The following TLE4 variants were observed in gnomAD, a reference collection of about 807,000 sequenced individuals.
TLE4 encodes transducin-like enhancer protein 4.
TLE4 carries 8 observed loss-of-function variants against 92.8 expected under a neutral mutation model. The ratio of observed to expected loss-of-function variants is 0.09; its 90% CI spans 0.05 to 0.16. The LOEUF (loss-of-function observed/expected upper bound fraction) is 0.16, where lower values mean the gene tolerates loss of function less well. TLE4 is among the 10% of genes least tolerant of loss of function. TLE4 has a pLI of 1.00. For missense variants in TLE4, 675 were observed against 997.6 expected (o/e 0.68, Z 4.36); for synonymous variants, 371 against 374.1 (o/e 0.99, Z 0.10).
chr9:79,721,589 T>A (rs1166335916), intron 16 of TLE4, 152 bp from the exon 17 acceptor site: 12 of 1,229,482 alleles, frequency 9.8e-6, no homozygotes, highest in Non-Finnish European at 1.3e-5. Context: ...GTATATGCTT[T>A]GTTATTACTT....
intron 5 of TLE4, among the ~76,000 whole-genome samples, chr9:79,617,365 CTT>C (rs1378362804): frequency 1.3e-5 from 2 of 151,938 alleles, no homozygotes; most frequent in Admixed American, 6.6e-5. Context: ...TTTTTGTACT[CTT>C]GTTTCCCTAT....
chr9:79,711,168 T>G (rs2073183834), intron 14 of TLE4, among the ~76,000 whole-genome samples: 1 of 152,334 alleles, frequency 6.6e-6, no homozygotes, highest in East Asian at 1.9e-4. Flanking sequence ...TAACCTTCCT[T>G]TGTTGTATCA....
At chr9:79,639,090 T>C (rs934445236) in intron 6 of TLE4, among the ~76,000 whole-genome samples, 1 of 152,062 alleles carries the variant, frequency 6.6e-6, no homozygotes, top group Non-Finnish European at 1.5e-5. Context: ...CATTTTAATA[T>C]GGTTATGTGA....
At chr9:79,635,188 T>C (rs1162019014) in intron 6 of TLE4, among the ~76,000 whole-genome samples, 2 of 152,192 alleles carry the variant, frequency 1.3e-5, no homozygotes, top group Non-Finnish European at 2.9e-5. Context: ...TGCATAATAG[T>C]ACTTACTGTG....
At chr9:79,573,632 G>A in intron 1 of TLE4, 57 bp from the exon 2 acceptor site, 4 of 1,419,870 alleles carry the variant, frequency 2.8e-6, no homozygotes, top group Middle Eastern at 3.6e-4. Context: ...GGTTTTCTCC[G>A]TCTCCCTGCT....
At position 79,572,974 on chromosome 9, in the gene TLE4, C is replaced by T. The variant is rs552103743; in HGVS notation, c.45+139C>T. 17 of 875,806 alleles carry T rather than the reference C, an allele frequency of 1.9e-5. No individual in the cohort carries two copies. In the Admixed American group the frequency reaches 4.1e-4, roughly 21 times the overall value. The allele number at this position is 875,806 out of a possible 1,614,324, so 54.3% of individuals were successfully genotyped here. On this transcript the variant is annotated intron_variant, in intron 1 of 19. Transcript: ENST00000376552. ...TCGGCGCCCCGCGCCGGGAGCAGCC[C>T]GCCCGCCATCACCCCCACCCCCCGG... is the stretch of plus-strand genomic sequence containing the variant.
chr9:79,590,696 G>A (rs1353663237), intron 4 of TLE4, among the ~76,000 whole-genome samples: 3 of 152,098 alleles, frequency 2.0e-5, no homozygotes, highest in Non-Finnish European at 4.4e-5. Context: ...CTTGTGAGGT[G>A]GTATTTATGC....
intron 8 of TLE4, among the ~76,000 whole-genome samples, chr9:79,674,520 C>T (rs1268968170): frequency 6.6e-6 from 1 of 152,206 alleles, no homozygotes; most frequent in East Asian, 1.9e-4. Context: ...CAGCAAGGGG[C>T]CTGCCACGTA....
At chr9:79,617,164 C>A (rs1384681885) in intron 5 of TLE4, among the ~76,000 whole-genome samples, 2 of 152,148 alleles carry the variant, frequency 1.3e-5, no homozygotes, top group Non-Finnish European at 2.9e-5. Context: ...AGTCTTCCTG[C>A]AGAGTTAGCT....
At chr9:79,663,986 C>G (rs1470660921) in intron 8 of TLE4, among the ~76,000 whole-genome samples, 2 of 152,192 alleles carry the variant, frequency 1.3e-5, no homozygotes, top group African/African-American at 4.8e-5. Flanking sequence ...TCCCGTTGCC[C>G]TAGCAACGGG....
intron 6 of TLE4, among the ~76,000 whole-genome samples, chr9:79,629,770 G>A (rs2053690243): frequency 6.6e-6 from 1 of 152,230 alleles, no homozygotes; most frequent in Non-Finnish European, 1.5e-5. Flanking sequence ...GAGAAGGAAA[G>A]AGCTCAGTTA....
chr9:79,701,042 G>A (rs2069701350), intron 8 of TLE4, among the ~76,000 whole-genome samples: 1 of 152,122 alleles, frequency 6.6e-6, no homozygotes, highest in Non-Finnish European at 1.5e-5. Context: ...AGCTTTTCTA[G>A]TAAAAGCATG....
intron 3 of TLE4, 191 bp downstream of exon 3, chr9:79,575,127 G>A: frequency 2.7e-6 from 1 of 367,980 alleles, no homozygotes; most frequent in Non-Finnish European, 5.1e-6. Context: ...AACTGGCTTT[G>A]ATTGGAATTT....
chr9:79,662,809 G>C (rs1443804657), intron 8 of TLE4, among the ~76,000 whole-genome samples: 1 of 152,178 alleles, frequency 6.6e-6, no homozygotes, highest in Admixed American at 6.5e-5. Context: ...CATTAGGCTT[G>C]AGCTTTTCCC....
intron 6 of TLE4, among the ~76,000 whole-genome samples, chr9:79,651,417 C>T (rs2058969770): frequency 6.6e-6 from 1 of 152,186 alleles, no homozygotes; most frequent in African/African-American, 2.4e-5. Context: ...AGGTCAAGCA[C>T]ACCCATTCCA....
intron 8 of TLE4, among the ~76,000 whole-genome samples, chr9:79,696,617 A>G (rs2068326058): frequency 6.6e-6 from 1 of 152,178 alleles, no homozygotes; most frequent in Admixed American, 6.5e-5. Flanking sequence ...TGGAAAAAAA[A>G]GTTTAGCCTT....
chr9:79,591,483 T>G, intron 4 of TLE4, among the ~76,000 whole-genome samples: 1 of 152,138 alleles, frequency 6.6e-6, no homozygotes, highest in East Asian at 1.9e-4. Context: ...GCTTGGGCTA[T>G]AAAAAGAAAG....
At chr9:79,574,501 T>C (rs60790901) in intron 2 of TLE4, among the ~76,000 whole-genome samples, 8,249 of 152,280 alleles carry the variant, frequency 0.054, 279 homozygotes, top group African/African-American at 0.066. Flanking sequence ...AATTCCCTTG[T>C]GACGTTTTGG....
Position 79,723,012 on chromosome 9 carries a change from C to A in TLE4, c.2191C>A (p.Pro731Thr). Residue 731 changes from proline (P) to threonine (T), a missense_variant, in exon 19 of 20, where the codon CCT (proline) becomes ACT (threonine). By Grantham distance (38) the Pro-to-Thr change is conservative. Around this residue, in one of 5 missense-constraint regions of TLE4, gnomAD observed 170 missense variants for 359.6 expected, o/e 0.47. Coordinates refer to ENST00000376552, the MANE Select transcript of TLE4 (RefSeq NM_007005.6). ...CAACCTTCTGAATGCCTGGAGAACA[C>A]CTTATGGGGCCAGTATATTCCAGGT... ...KDNLLNAWRT[P>T]YGASIFQSKE... 6.2e-7 allele frequency: 1 copy of A among 1,614,130 alleles called. No homozygotes were observed. Among genetic ancestry groups the A allele is most frequent in the Non-Finnish European group, 8.5e-7 (1 of 1,180,016 alleles).
Sources: allele counts gnomAD v4.1 joint callset (sites outside exome capture counted in the v4.1 genomes callset), GRCh38; gene constraint gnomAD v4.1.1; regional missense constraint gnomAD v4.1.1; transcripts MANE v1.5; gene names NCBI Gene and HGNC (gene_info 2026-07-23, HGNC 2026-07-21).